OXGR1: variants seen among roughly 807,000 people sequenced by gnomAD.
OXGR1 encodes the protein oxoglutarate receptor 1.
A neutral mutation model predicts 10.0 loss-of-function variants in OXGR1; 10 were observed. The observed-to-expected ratio is 1.00, with a 90% confidence interval of 0.62 to 1.70. OXGR1 has a LOEUF of 1.70. Ranked by LOEUF, OXGR1 falls within the 40% of genes most tolerant of loss-of-function variation. The pLI, the probability that OXGR1 is intolerant of heterozygous loss-of-function variation, is 0.00. For synonymous variants in OXGR1, 191 were observed against 155.9 expected (o/e 1.22, Z -1.68); for missense variants, 398 against 407.6 (o/e 0.98, Z 0.20).
intron 1 of OXGR1, among the ~76,000 whole-genome samples, chr13:96,993,256 T>C (rs1455251692): frequency 2.6e-5 from 4 of 152,182 alleles, no homozygotes; most frequent in Non-Finnish European, 4.4e-5. Context: ...TCTTGCTCTG[T>C]CGCCCAGACT....
intron 1 of OXGR1, among the ~76,000 whole-genome samples, chr13:96,993,699 C>T (rs1882174049): frequency 6.6e-6 from 1 of 151,622 alleles, no homozygotes; most frequent in African/African-American, 2.4e-5. Context: ...ATTATACATA[C>T]AAGTTAGAGG....
In OXGR1 at chr13:96,987,826, G is replaced by A. The variant is rs1277299956; in HGVS notation, c.-67C>T. 1.3e-5 allele frequency: 19 copies of A among 1,501,376 alleles called. No homozygotes were observed. Among genetic ancestry groups the A allele is most frequent in the East Asian group, 4.6e-5 (2 of 43,526 alleles). The allele number at this position is 1,501,376 out of a possible 1,614,324, so 93.0% of individuals were successfully genotyped here. ...TTTGGCAATATGAATCAAATGAGCA[G>A]TAACTCGCTGATAAAGGAAAACAGA... On this transcript the variant is annotated 5_prime_UTR_variant, in exon 4 of 4. Transcript: ENST00000541038.
Position 96,986,940 on chromosome 13 carries a change from A to G in OXGR1, c.820T>C (p.Cys274Arg), listed in dbSNP as rs757988123. The G allele has an allele frequency of 3.1e-6, 5 of 1,614,070 alleles. No homozygotes were observed. The East Asian group carries it at 8.9e-5, about 29-fold the overall frequency. The change falls in exon 4 of 4, where the codon TGT (cysteine) becomes CGT (arginine). Residue 274 changes from cysteine (C) to arginine (R), a missense_variant. Cys to Arg is a radical substitution (Grantham distance 180, BLOSUM62 -3). Coordinates refer to ENST00000541038, the MANE Select transcript of OXGR1 (RefSeq NM_001346194.2). ...RIESRLLSIS[C>R]SIENQIHEAY... ...TCATGGATCTGATTCTCAATGGAAC[A>G]ACTGATTGAAAGCAGGCGAGATTCG...
Position 96,987,761 on chromosome 13 carries a change from G to A in OXGR1, c.-2C>T. The A allele has an allele frequency of 6.4e-7, 1 of 1,562,066 alleles. No homozygotes were observed. ...TAAATAGTCTAGTGGCTCATTCATG[G>A]TTGTCTCCTTTCATCTTGCAAGAAA... On this transcript the variant is annotated 5_prime_UTR_variant, in exon 4 of 4. Coordinates refer to ENST00000541038, the MANE Select transcript of OXGR1 (RefSeq NM_001346194.2).
chr13:96,990,824 C>T (rs920764258), intron 2 of OXGR1, among the ~76,000 whole-genome samples: 12 of 151,834 alleles, frequency 7.9e-5, no homozygotes, highest in Non-Finnish European at 1.8e-4. Context: ...TGGCCCATGC[C>T]TATAGTCCCA....
At position 96,985,815 on chromosome 13, in the gene OXGR1, T is replaced by A. The variant is rs1881705880; in HGVS notation, c.*931A>T. The A allele has an allele frequency of 6.6e-6, 1 of 152,222 alleles. No homozygotes were observed. The highest frequency in any genetic ancestry group is 2.4e-5 in the African/African-American group (1 of 41,464). 9.4% of individuals were successfully genotyped at this position (152,222 alleles called of 1,614,324 possible). ...TCAAATATTTATACTTACCGATAATTAAGCACACATACAATTCAAAAATAT... is the reference window on the plus strand; with the variant it reads ...TCAAATATTTATACTTACCGATAATAAAGCACACATACAATTCAAAAATAT... On this transcript the variant is annotated 3_prime_UTR_variant, in exon 4 of 4. Coordinates refer to ENST00000541038, the MANE Select transcript of OXGR1 (RefSeq NM_001346194.2).
chr13:96,992,276 G>T (rs1290016403), intron 2 of OXGR1, 146 bp downstream of exon 2: 1 of 152,166 alleles, frequency 6.6e-6, no homozygotes, highest in Non-Finnish European at 1.5e-5. Context: ...ATGCATGCTC[G>T]AGTGGATGGA....
At chr13:96,993,910 A>G (rs1289884492) in intron 1 of OXGR1, among the ~76,000 whole-genome samples, 1 of 152,074 alleles carries the variant, frequency 6.6e-6, no homozygotes, top group African/African-American at 2.4e-5. Context: ...GCGGTGATCA[A>G]TGGGGTGAGG....
Position 96,987,100 on chromosome 13 carries a change from C to T in OXGR1, c.660G>A (p.Thr220=), listed in dbSNP as rs1389290041. 12 of 1,614,026 alleles carry T rather than the reference C, an allele frequency of 7.4e-6. No individual in the cohort carries two copies. Among genetic ancestry groups the T allele is most frequent in the Admixed American group, 5.0e-5 (3 of 59,992 alleles). ...GTCCATGGGTCAGAGTGTGGATAAT[C>T]GTGGTATAGCAAAGTGTCACTATCA... ...PLVIVTLCYT[T]IIHTLTHGLQ... The change falls in exon 4 of 4, where the codon ACG becomes ACA. Residue 220 remains threonine (T), a synonymous_variant. Transcript: ENST00000541038.
At chr13:96,990,581 C>A (rs1238330080) in intron 2 of OXGR1, among the ~76,000 whole-genome samples, 1 of 152,030 alleles carries the variant, frequency 6.6e-6, no homozygotes, top group African/African-American at 2.4e-5. Context: ...AAAGAACAAC[C>A]AGTAACATCA....
In OXGR1 at chr13:96,987,628, G is replaced by A; in HGVS notation, c.132C>T (p.Phe44=). Residue 44 remains phenylalanine (F), a synonymous_variant, in exon 4 of 4, where the codon TTC becomes TTT. Transcript: ENST00000541038. Reference sequence around the variant, plus strand: ...CTGCATTGCCTGGAAATCCCACGAGGAAGATAATGCCATAAATAACAGGGA... The same window carrying A: ...CTGCATTGCCTGGAAATCCCACGAGAAAGATAATGCCATAAATAACAGGGA... ...HYLPVIYGII[F]LVGFPGNAVV... The A allele has an allele frequency of 6.2e-7, 1 of 1,614,160 alleles. No individual in the cohort carries two copies. Among genetic ancestry groups the A allele is most frequent in the Admixed American group, 1.7e-5 (1 of 60,028 alleles).
chr13:96,994,556 G>A (rs959965869), upstream of OXGR1: 3 of 152,282 alleles, frequency 2.0e-5, no homozygotes, highest in Non-Finnish European at 4.4e-5. Flanking sequence ...TCCCGGTTTG[G>A]CGGGAAACTG....
In OXGR1 at chr13:96,987,192, C is replaced by G; in HGVS notation, c.568G>C (p.Asp190His). ...RSACLDLTSS[D>H]ELNTIKWYNL... ...TACCACTTAATAGTATTGAGTTCAT[C>G]CGAACTGGTGAGGTCGAGACAGGCT... Residue 190 changes from aspartate to histidine, a missense_variant, in exon 4 of 4, where the codon GAT becomes CAT. By Grantham distance (81) the Asp-to-His change is moderately conservative (BLOSUM62 -1). Transcript: ENST00000541038. 6.2e-7 allele frequency: 1 copy of G among 1,614,092 alleles called. No homozygotes were observed. Among genetic ancestry groups the G allele is most frequent in the Non-Finnish European group, 8.5e-7 (1 of 1,180,002 alleles).
chr13:96,992,177 C>A (rs533583598), intron 2 of OXGR1, among the ~76,000 whole-genome samples: 32 of 151,750 alleles, frequency 2.1e-4, no homozygotes, highest in Admixed American at 1.6e-3. Flanking sequence ...TATTTGATGG[C>A]ACAATGGGGT....
intron 3 of OXGR1, among the ~76,000 whole-genome samples, chr13:96,989,199 G>A (rs1295145204): frequency 6.6e-6 from 1 of 152,112 alleles, no homozygotes; most frequent in Non-Finnish European, 1.5e-5. Context: ...AAGGGAAGGA[G>A]GAAACATCAG....
At chr13:96,990,289 G>A (rs1183998582) in intron 2 of OXGR1, among the ~76,000 whole-genome samples, 1 of 152,206 alleles carries the variant, frequency 6.6e-6, no homozygotes, top group African/African-American at 2.4e-5. Context: ...ACGTCCCAAA[G>A]ACAGTTCTTA....
chr13:96,986,970 G>T lies in OXGR1; in HGVS notation c.790C>A (p.Arg264=), dbSNP rs767677557. The change falls in exon 4 of 4, where the codon CGG becomes AGG. Residue 264 remains arginine, a synonymous_variant. Transcript: ENST00000541038. Reference sequence around the variant, plus strand: ...ATTGAAAGCAGGCGAGATTCGATCCGAATGACCCTCAAGATATGGAAGGGT... The same window carrying T: ...ATTGAAAGCAGGCGAGATTCGATCCTAATGACCCTCAAGATATGGAAGGGT... ...FLPFHILRVI[R]IESRLLSISC... 1 of 1,614,140 alleles carries T rather than the reference G, an allele frequency of 6.2e-7. No individual in the cohort carries two copies. Among genetic ancestry groups the T allele is most frequent in the South Asian group, 1.1e-5 (1 of 91,074 alleles).
Position 96,986,557 on chromosome 13 carries a change from T to C in OXGR1, c.*189A>G, listed in dbSNP as rs184285545. The C allele has an allele frequency of 3.3e-6, 2 of 598,952 alleles. No homozygotes were observed. The highest frequency in any genetic ancestry group is 2.8e-5 in the East Asian group (1 of 35,092). The allele number at this position is 598,952 out of a possible 1,614,324, so 37.1% of individuals were successfully genotyped here. On this transcript the variant is annotated 3_prime_UTR_variant, in exon 4 of 4. Transcript: ENST00000541038. ...CTGATATACATGCATCCCATTCTTA[T>C]ATCTCCCCAGTGGAGGAGCTCAATA...
Position 96,987,506 on chromosome 13 carries a change from C to A in OXGR1, c.254G>T (p.Ser85Ile). The A allele has an allele frequency of 1.2e-6, 2 of 1,614,156 alleles. No individual in the cohort carries two copies. The highest frequency in any genetic ancestry group is 1.7e-6 in the Non-Finnish European group (2 of 1,180,018). Residue 85 changes from serine to isoleucine, a missense_variant, in exon 4 of 4, where the codon AGC (serine) becomes ATC (isoleucine). Ser to Ile is a moderately radical substitution (Grantham distance 142). Coordinates refer to ENST00000541038, the MANE Select transcript of OXGR1 (RefSeq NM_001346194.2). Reference sequence around the variant, plus strand: ...ATAGTAGTGAATCAGGAAGGGGAGGCTGGTCAGATACAGCAGATCTGTGCA... The same window carrying A: ...ATAGTAGTGAATCAGGAAGGGGAGGATGGTCAGATACAGCAGATCTGTGCA... ...LACTDLLYLTSLPFLIHYYAS... is the reference protein window; with the variant it reads ...LACTDLLYLTILPFLIHYYAS...
Sources: gnomAD v4.1 joint callset for allele counts (sites outside exome capture counted in the v4.1 genomes callset) on GRCh38, gnomAD v4.1.1 for gene constraint, MANE v1.5 for transcripts, NCBI Gene and HGNC (gene_info 2026-07-23, HGNC 2026-07-21) for gene names.